The following ZFHX2 variants were observed in gnomAD, a reference collection of about 807,000 sequenced individuals.
ZFHX2 encodes zinc finger homeobox protein 2.
ZFHX2 carries 75 observed loss-of-function variants against 164.8 expected under a neutral mutation model. The ratio of observed to expected loss-of-function variants is 0.46; its 90% CI spans 0.38 to 0.55. The LOEUF (loss-of-function observed/expected upper bound fraction) is 0.55, where lower values mean the gene tolerates loss of function less well. Among genes scored for constraint, ZFHX2 ranks in the 20% least tolerant of loss-of-function variants. ZFHX2 has a pLI of 0.00. For missense variants in ZFHX2, 2,933 were observed against 3,308.0 expected (o/e 0.89, Z 2.78); for synonymous variants, 1,217 against 1,351.4 (o/e 0.90, Z 2.18).
chr14:23,522,718 G>A lies in ZFHX2; in HGVS notation c.6963C>T (p.Ser2321=), dbSNP rs1386998185. Residue 2321 remains serine, a synonymous_variant, in exon 10 of 10, where the codon AGC becomes AGT. Coordinates refer to ENST00000419474, the MANE Select transcript of ZFHX2 (RefSeq NM_033400.3). ...SERKPVAGPT[S]SSNDALKNLK... ...GGTTCTTGAGGGCATCATTGGAGGA[G>A]CTGGTGGGGCCTGCAACTGGCTTTC... 1 of 1,536,552 alleles carries A rather than the reference G, an allele frequency of 6.5e-7. No homozygotes were observed. Among genetic ancestry groups the A allele is most frequent in the Non-Finnish European group, 8.7e-7 (1 of 1,146,978 alleles).
In ZFHX2 at chr14:23,523,281, G is replaced by C; in HGVS notation, c.6661C>G (p.Pro2221Ala). ...SMPLGAAPTL[P>A]RLAPVLLSGP... Reference sequence around the variant, plus strand: ...GATAAGAGGACCGGCGCCAGGCGAGGCAAGGTTGGGGCAGCCCCGAGGGGC... The same window carrying C: ...GATAAGAGGACCGGCGCCAGGCGAGCCAAGGTTGGGGCAGCCCCGAGGGGC... The change falls in exon 9 of 10, where the codon CCT (proline) becomes GCT (alanine). Residue 2221 changes from proline to alanine, a missense_variant. Coordinates refer to ENST00000419474, the MANE Select transcript of ZFHX2 (RefSeq NM_033400.3). The surrounding 1 kb of genome is among the most constrained non-coding windows in gnomAD (Gnocchi z 4.1). The C allele has an allele frequency of 5.6e-6, 8 of 1,438,444 alleles. No individual in the cohort carries two copies. Among genetic ancestry groups the C allele is most frequent in the Non-Finnish European group, 7.3e-6 (8 of 1,100,606 alleles). 89.1% of individuals were successfully genotyped at this position (1,438,444 alleles called of 1,614,324 possible).
At position 23,520,955 on chromosome 14, in the gene ZFHX2, C is replaced by T. The variant is rs376814466; in HGVS notation, c.*1007G>A. The T allele has an allele frequency of 1.3e-5, 2 of 150,800 alleles. No homozygotes were observed. The highest frequency in any genetic ancestry group is 2.1e-4 in the South Asian group (1 of 4,784). The allele number at this position is 150,800 out of a possible 1,614,324, so 9.3% of individuals were successfully genotyped here. ...GGTGTCCGTTTCTCTCTTTTGTGCGCGTGTGCACGTACTCTCTCTCGCTCT... is the reference window on the plus strand; with the variant it reads ...GGTGTCCGTTTCTCTCTTTTGTGCGTGTGTGCACGTACTCTCTCTCGCTCT... On this transcript the variant is annotated 3_prime_UTR_variant, in exon 10 of 10. Transcript: ENST00000419474. This position sits in a 1 kb window ranked among gnomAD's most constrained non-coding sequence, Gnocchi z 8.7.
At chr14:23,532,470 C>T (rs1346838288) in intron 3 of ZFHX2, 97 bp downstream of exon 3, 2 of 1,363,920 alleles carry the variant, frequency 1.5e-6, no homozygotes, top group Non-Finnish European at 1.9e-6. Context: ...CTCCATTTGT[C>T]ACCCAGGGTT....
Position 23,534,587 on chromosome 14 carries a change from T to C in ZFHX2, c.739A>G (p.Ser247Gly). 1.3e-6 allele frequency: 2 copies of C among 1,536,136 alleles called. No individual in the cohort carries two copies. Among genetic ancestry groups the C allele is most frequent in the Non-Finnish European group, 1.7e-6 (2 of 1,146,894 alleles). The change falls in exon 2 of 10, where the codon AGC becomes GGC. Residue 247 changes from serine (S) to glycine (G), a missense_variant. By Grantham distance (56) the Ser-to-Gly change is moderately conservative. Transcript: ENST00000419474. This position sits in a 1 kb window ranked among gnomAD's most constrained non-coding sequence, Gnocchi z 4.5. ...TGATCCATAAAGGCCTGGGGCTTGCTGAAACCCAGGCGGCACAGAAGGCAG... is the reference window on the plus strand; with the variant it reads ...TGATCCATAAAGGCCTGGGGCTTGCCGAAACCCAGGCGGCACAGAAGGCAG... The part of the protein sequence containing the change: ...WLCLLCRLGF[S>G]KPQAFMDHTQ...
chr14:23,531,587 C>T lies in ZFHX2; in HGVS notation c.2694G>A (p.Gln898=), dbSNP rs778927895. 32 of 1,526,750 alleles carry T rather than the reference C, an allele frequency of 2.1e-5. No individual in the cohort carries two copies. In the African/African-American group the frequency reaches 4.3e-4, roughly 20 times the overall value. 94.6% of individuals were successfully genotyped at this position (1,526,750 alleles called of 1,614,324 possible). A position where few individuals can be genotyped will look rare whatever the true frequency, so the allele number is the denominator to read the frequency against. ...GTAGCAGCTGCAGACGCCTCTGGGC[C>T]TGGGCATCGCGGTGGGCAGGTGTGC... The part of the protein sequence containing the change: ...HLRTPAHRDA[Q]AQRRLQLLQN... Residue 898 remains glutamine (Q), a synonymous_variant, in exon 4 of 10, where the codon CAG becomes CAA. Transcript: ENST00000419474.
At position 23,523,641 on chromosome 14, in the gene ZFHX2, C is replaced by T. The variant is rs976951306; in HGVS notation, c.6301G>A (p.Glu2101Lys). ...TMQECEVLGE[E>K]IGLPKRVIQV... ...ATGACTCTCTTGGGCAGCCCAATCT[C>T]CTCTCCCAGCACCTCACACTCCTGC... The change falls in exon 9 of 10, where the codon GAG (glutamate) becomes AAG (lysine). Residue 2101 changes from glutamate (E) to lysine (K), a missense_variant. Glu to Lys is a moderately conservative substitution (Grantham distance 56). Transcript: ENST00000419474. The surrounding 1 kb of genome is among the most constrained non-coding windows in gnomAD (Gnocchi z 4.1). The T allele has an allele frequency of 1.2e-5, 19 of 1,553,302 alleles. No individual in the cohort carries two copies. Among genetic ancestry groups the T allele is most frequent in the Non-Finnish European group, 1.6e-5 (18 of 1,155,578 alleles).
At chr14:23,545,916 A>G (rs1417427630) in intron 1 of ZFHX2, among the ~76,000 whole-genome samples, 1 of 152,232 alleles carries the variant, frequency 6.6e-6, no homozygotes, top group Non-Finnish European at 1.5e-5. Context: ...CCTCGGGGAA[A>G]CACAATCTAA....
At chr14:23,550,524 G>T (rs1881839261) in intron 1 of ZFHX2, among the ~76,000 whole-genome samples, 1 of 152,222 alleles carries the variant, frequency 6.6e-6, no homozygotes. Context: ...CAGATCCAGA[G>T]ATGGATGGGA....
rs756459228 is a variant in ZFHX2, at chr14:23,531,929, C to T, written c.2560-208G>A. ...GTAGCTGGGATTACAGGCATGCGCA[C>T]CACACCTGGCTAATTTTTGTATTTT... On this transcript the variant is annotated intron_variant, in intron 3 of 9. Coordinates refer to ENST00000419474, the MANE Select transcript of ZFHX2 (RefSeq NM_033400.3). 109 of 527,552 alleles carry T rather than the reference C, an allele frequency of 2.1e-4. 1 individual carries two copies. The highest frequency in any genetic ancestry group is 5.5e-4 in the Middle Eastern group (1 of 1,834). 32.7% of individuals were successfully genotyped at this position (527,552 alleles called of 1,614,324 possible). A position where few individuals can be genotyped will look rare whatever the true frequency, so the allele number is the denominator to read the frequency against.
At chr14:23,531,451 G>C in intron 4 of ZFHX2, 30 bp downstream of exon 4, 1 of 1,373,210 alleles carries the variant, frequency 7.3e-7, no homozygotes, top group Non-Finnish European at 9.4e-7. Context: ...TCCCTGCCCA[G>C]CTCTTATTCT....
Position 23,541,993 on chromosome 14 carries a change from T to C in ZFHX2, c.-49-6619A>G, listed in dbSNP as rs543711071. Among the ~76,000 whole-genome samples, 182 of 152,140 alleles carry C rather than the reference T, an allele frequency of 1.2e-3. 6 individuals carry two copies. The highest frequency in any genetic ancestry group is 7.2e-4 in the Admixed American group (11 of 15,272). ...CCAAAAGAGAGAGAAAGAACGAGTATGGCAGGGAATGAGACAAGCAGGAAA... is the reference window on the plus strand; with the variant it reads ...CCAAAAGAGAGAGAAAGAACGAGTACGGCAGGGAATGAGACAAGCAGGAAA... On this transcript the variant is annotated intron_variant, in intron 1 of 9. Transcript: ENST00000419474.
Position 23,527,587 on chromosome 14 carries a change from A to G in ZFHX2, c.3135+17T>C, listed in dbSNP as rs750855981. ...AATAAGGTCTTGTTGTACCGTCCTCACCCAGCCTGTACTCACTACAAGCAG... is the reference window on the plus strand; with the variant it reads ...AATAAGGTCTTGTTGTACCGTCCTCGCCCAGCCTGTACTCACTACAAGCAG... On this transcript the variant is annotated intron_variant, in intron 7 of 9. Transcript: ENST00000419474. 2.0e-5 allele frequency: 31 copies of G among 1,535,824 alleles called. No individual in the cohort carries two copies. Among genetic ancestry groups the G allele is most frequent in the Non-Finnish European group, 2.6e-5 (30 of 1,146,842 alleles).
In ZFHX2 at chr14:23,533,606, A is replaced by G; in HGVS notation, c.1720T>C (p.Cys574Arg). 6.5e-7 allele frequency: 1 copy of G among 1,536,746 alleles called. No individual in the cohort carries two copies. The highest frequency in any genetic ancestry group is 8.7e-7 in the Non-Finnish European group (1 of 1,147,040). ...KTKSSWQCKVCSYETNISRNL... is the reference protein window; with the variant it reads ...KTKSSWQCKVRSYETNISRNL... Reference sequence around the variant, plus strand: ...CGGGAGATGTTTGTCTCGTAGCTGCACACCTTGCACTGCCAGGATGATTTG... The same window carrying G: ...CGGGAGATGTTTGTCTCGTAGCTGCGCACCTTGCACTGCCAGGATGATTTG... Residue 574 changes from cysteine (C) to arginine (R), a missense_variant, in exon 2 of 10, where the codon TGC (cysteine) becomes CGC (arginine). Physicochemically the swap from Cys to Arg is radical, Grantham distance 180. Transcript: ENST00000419474. This position sits in a 1 kb window ranked among gnomAD's most constrained non-coding sequence, Gnocchi z 4.8.
At chr14:23,545,414 T>C (rs1353336996) in intron 1 of ZFHX2, among the ~76,000 whole-genome samples, 1 of 152,204 alleles carries the variant, frequency 6.6e-6, no homozygotes, top group African/African-American at 2.4e-5. Context: ...TTCTTAGTCC[T>C]CACAGCCTAC....
intron 1 of ZFHX2, among the ~76,000 whole-genome samples, chr14:23,536,330 C>T (rs1044405957): frequency 6.6e-6 from 1 of 152,180 alleles, no homozygotes; most frequent in Non-Finnish European, 1.5e-5. Flanking sequence ...CTCAGATTTT[C>T]CATACCCTGA....
chr14:23,535,316 G>A lies in ZFHX2; in HGVS notation c.10C>T (p.Leu4Phe), dbSNP rs1358357194. 3.4e-6 allele frequency: 5 copies of A among 1,459,600 alleles called. No individual in the cohort carries two copies. The highest frequency in any genetic ancestry group is 5.0e-5 in the East Asian group (2 of 40,108). 90.4% of individuals were successfully genotyped at this position (1,459,600 alleles called of 1,614,324 possible). The stretch of plus-strand genomic sequence containing the variant: ...GTACCAGTGGTAGAGGCTGAGTTAA[G>A]GGTGGCCATGGTAGACGGAGGAGTG... MAT[L>F]NSASTTGTTP... The change falls in exon 2 of 10, where the codon CTT becomes TTT. Residue 4 changes from leucine (L) to phenylalanine (F), a missense_variant. By Grantham distance (22) the Leu-to-Phe change is conservative. Transcript: ENST00000419474. The surrounding 1 kb of genome is among the most constrained non-coding windows in gnomAD (Gnocchi z 4.5).
Position 23,532,576 on chromosome 14 carries a change from T to C in ZFHX2, c.2550A>G (p.Gln850=), listed in dbSNP as rs542349193. The change falls in exon 3 of 10, where the codon CAA becomes CAG. Residue 850 remains glutamine (Q), a synonymous_variant. Transcript: ENST00000419474. The part of the protein sequence containing the change: ...ARGAAHEENS[Q]IYKFLLDMEG... ...CCTGACCCAGCCTCACCTTATAGAT[T>C]TGGCTGTTTTCTTCGTGGGCTGCAC... The C allele has an allele frequency of 1.4e-6, 2 of 1,441,708 alleles. No individual in the cohort carries two copies. The highest frequency in any genetic ancestry group is 2.9e-5 in the South Asian group (2 of 68,296). 89.3% of individuals were successfully genotyped at this position (1,441,708 alleles called of 1,614,324 possible). A position where few individuals can be genotyped will look rare whatever the true frequency, so the allele number is the denominator to read the frequency against.
At chr14:23,538,945 CAGAG>C (rs749634216) in intron 1 of ZFHX2, among the ~76,000 whole-genome samples, 12 of 152,164 alleles carry the variant, frequency 7.9e-5, no homozygotes, top group South Asian at 4.2e-4. Context: ...TTAGAGGCGA[CAGAG>C]AGAGCTTTAA....
rs745814148 is a variant in ZFHX2, at chr14:23,532,744, C to A, written c.2382G>T (p.Glu794Asp). The A allele has an allele frequency of 4.6e-6, 7 of 1,536,116 alleles. No homozygotes were observed. Among genetic ancestry groups the A allele is most frequent in the South Asian group, 1.2e-5 (1 of 84,056 alleles). ...QKYQLAAHLR[E>D]GGGAMGTPSP... ...AAGGGGTGCCCATGGCTCCACCCCC[C>A]TCCCGCAGGTGGGCTGCCAGCTGGT... Residue 794 changes from glutamate to aspartate, a missense_variant, in exon 3 of 10, where the codon GAG becomes GAT. Physicochemically the swap from Glu to Asp is conservative, Grantham distance 45 (BLOSUM62 2). Coordinates refer to ENST00000419474, the MANE Select transcript of ZFHX2 (RefSeq NM_033400.3).
Sources: gnomAD v4.1 joint callset for allele counts (sites outside exome capture counted in the v4.1 genomes callset) on GRCh38, gnomAD v4.1.1 for gene constraint, Gnocchi (gnomAD v3.1) non-coding constraint, MANE v1.5 for transcripts, NCBI Gene and HGNC (gene_info 2026-07-23, HGNC 2026-07-21) for gene names.